The following FAM120C variants were observed in gnomAD, a reference collection of about 807,000 sequenced individuals.
FAM120C encodes the protein family with sequence similarity 120 member C.
In FAM120C, 14 loss-of-function variants were observed where a neutral mutation model predicts 71.2. That is an observed-to-expected ratio of 0.20 (90% confidence interval 0.13 to 0.31). The LOEUF (loss-of-function observed/expected upper bound fraction) is 0.31. Ranked by LOEUF, FAM120C falls within the 10% of genes least tolerant of loss-of-function variation. FAM120C has a pLI of 1.00. For synonymous variants in FAM120C, 354 were observed against 353.2 expected (o/e 1.00, Z -0.03); for missense variants, 500 against 879.0 (o/e 0.57, Z 5.45).
At chrX:54,166,254 G>C (rs1320248883) in intron 1 of FAM120C, among the ~76,000 whole-genome samples, 1 of 111,982 alleles carries the variant, frequency 8.9e-6, no homozygotes, top group Non-Finnish European at 1.9e-5. Context: ...ATTGGTGAAG[G>C]AAACAGGCAC....
chrX:54,176,486 T>G (rs1437804927), intron 1 of FAM120C, among the ~76,000 whole-genome samples: 1 of 90,761 alleles, frequency 1.1e-5, no homozygotes, highest in Non-Finnish European at 2.2e-5. Flanking sequence ...GAGGAAAAAA[T>G]AGAGATTAAT....
intron 10 of FAM120C, among the ~76,000 whole-genome samples, chrX:54,096,008 T>C (rs1209892082): frequency 8.9e-6 from 1 of 112,071 alleles, no homozygotes; most frequent in African/African-American, 3.2e-5. Context: ...TACAAAAGTA[T>C]ATTACAAAAG....
At chrX:54,172,066 A>G (rs2067291436) in intron 1 of FAM120C, among the ~76,000 whole-genome samples, 1 of 112,643 alleles carries the variant, frequency 8.9e-6, no homozygotes, top group Non-Finnish European at 1.9e-5. Context: ...TTGCCAAATG[A>G]GTTTCCCAAA....
At chrX:54,138,144 A>T (rs1239261648) in intron 4 of FAM120C, among the ~76,000 whole-genome samples, 1 of 111,937 alleles carries the variant, frequency 8.9e-6, no homozygotes, top group Admixed American at 9.6e-5. Flanking sequence ...CAAAGTATTG[A>T]TATACACGAT....
chrX:54,162,904 A>G (rs891583750), intron 1 of FAM120C, among the ~76,000 whole-genome samples: 4 of 112,221 alleles, frequency 3.6e-5, no homozygotes, highest in African/African-American at 1.3e-4. Flanking sequence ...AAGCTAGCCA[A>G]TAAGCACATG....
Position 54,132,003 on chromosome X carries a change from C to T in FAM120C, c.2062+689G>A, listed in dbSNP as rs781852876. Among the ~76,000 whole-genome samples, 437 of 104,676 alleles carry T rather than the reference C, an allele frequency of 4.2e-3. 3 individuals are homozygous for T. Among genetic ancestry groups the T allele is most frequent in the South Asian group, 0.028 (65 of 2,303 alleles). 90.9% of individuals were successfully genotyped at this position (104,676 alleles called of 115,157 possible). A position where few individuals can be genotyped will look rare whatever the true frequency, so the allele number is the denominator to read the frequency against. The stretch of plus-strand genomic sequence containing the variant: ...TCCTGACCTCGTCATCTGCCCGCCT[C>T]GGCCTCCCAAAGTGCTGGGATTACA... On this transcript the variant is annotated intron_variant, in intron 9 of 15. Transcript: ENST00000375180.
intron 4 of FAM120C, among the ~76,000 whole-genome samples, chrX:54,140,678 GCA>G (rs1315371761): frequency 9.2e-6 from 1 of 108,835 alleles, no homozygotes; most frequent in East Asian, 2.9e-4. Flanking sequence ...AGCTGGCCAG[GCA>G]CAGTGCCTCA....
intron 15 of FAM120C, among the ~76,000 whole-genome samples, chrX:54,078,316 G>C (rs999326919): frequency 9.0e-6 from 1 of 110,717 alleles, no homozygotes; most frequent in Non-Finnish European, 1.9e-5. Context: ...CCTGAATCGC[G>C]GTGAATTCAC....
rs781885139 is a variant in FAM120C, at chrX:54,101,108, C to T, written c.2313-9682G>A. On this transcript the variant is annotated intron_variant, in intron 10 of 15. Coordinates refer to ENST00000375180, the MANE Select transcript of FAM120C (RefSeq NM_017848.6). ...AGATCCTTTTAATGGGTAGAGGTTG[C>T]GAAGCCTCCACAGCTCTTACTTTAT... is the stretch of plus-strand genomic sequence containing the variant. Among the ~76,000 whole-genome samples the T allele has an allele frequency of 6.3e-5, 7 of 111,833 alleles. No homozygotes were observed. In the South Asian group the frequency reaches 1.1e-3, roughly 18 times the overall value.
At chrX:54,166,073 C>T (rs1257137772) in intron 1 of FAM120C, among the ~76,000 whole-genome samples, 3 of 110,665 alleles carry the variant, frequency 2.7e-5, no homozygotes, top group African/African-American at 9.8e-5. Flanking sequence ...GACTAATTTC[C>T]TTAATAGAGA....
rs1249719122 is a variant in FAM120C, at chrX:54,068,447, T to C, written c.*4586A>G. On this transcript the variant is annotated 3_prime_UTR_variant, in exon 16 of 16. Coordinates refer to ENST00000375180, the MANE Select transcript of FAM120C (RefSeq NM_017848.6). ...CAGAACAACTCCTGAGGCATTCTCA[T>C]TCCTTTCTGAAACTCTTCCATTAAC... 8.9e-6 allele frequency: 1 copy of C among 111,864 alleles called. No individual in the cohort carries two copies. The highest frequency in any genetic ancestry group is 1.9e-5 in the Non-Finnish European group (1 of 53,263). The allele number at this position is 111,864 out of a possible 1,213,427, so 9.2% of individuals were successfully genotyped here. A position where few individuals can be genotyped will look rare whatever the true frequency, so the allele number is the denominator to read the frequency against.
At position 54,136,540 on chromosome X, in the gene FAM120C, A is replaced by G; in HGVS notation, c.1209T>C (p.Tyr403=). ...GCGAAGAGAGTTTGGTTGTGACTGA[A>G]TAATACTCAACTGCTTTCTTGAATC... ...IERFKKAVEY[Y]SVTTKLSSLP... The change falls in exon 5 of 16, where the codon TAT becomes TAC. Residue 403 remains tyrosine, a synonymous_variant. Transcript: ENST00000375180. The G allele has an allele frequency of 8.3e-7, 1 of 1,210,743 alleles. No individual in the cohort carries two copies. The highest frequency in any genetic ancestry group is 1.1e-6 in the Non-Finnish European group (1 of 894,630).
At chrX:54,156,089 G>T (rs1382961574) in intron 3 of FAM120C, among the ~76,000 whole-genome samples, 3 of 110,316 alleles carry the variant, frequency 2.7e-5, no homozygotes, top group Non-Finnish European at 3.8e-5. Context: ...TGAAGAGGGG[G>T]TAAGAACTCA....
rs12008056 is a variant in FAM120C, at chrX:54,086,516, G to A, written c.2638-600C>T. ...CGCCTGTAGTCCCAGCAATTTGGGAGGCCAAGGCAGGTGGATCACCTGAGG... is the reference window on the plus strand; with the variant it reads ...CGCCTGTAGTCCCAGCAATTTGGGAAGCCAAGGCAGGTGGATCACCTGAGG... On this transcript the variant is annotated intron_variant, in intron 12 of 15. Coordinates refer to ENST00000375180, the MANE Select transcript of FAM120C (RefSeq NM_017848.6). Among the ~76,000 whole-genome samples, 999 of 111,468 alleles carry A rather than the reference G, an allele frequency of 9.0e-3. 14 individuals carry two copies. Among genetic ancestry groups the A allele is most frequent in the African/African-American group, 0.031 (950 of 30,778 alleles).
chrX:54,074,684 G>T (rs1006262934), intron 15 of FAM120C, among the ~76,000 whole-genome samples: 5 of 112,594 alleles, frequency 4.4e-5, no homozygotes, highest in Non-Finnish European at 9.4e-5. Flanking sequence ...CCAAAGTGCT[G>T]GTATTATAGG....
chrX:54,162,283 T>C (rs1468573564), intron 1 of FAM120C, among the ~76,000 whole-genome samples: 1 of 111,720 alleles, frequency 9.0e-6, no homozygotes, highest in Non-Finnish European at 1.9e-5. Flanking sequence ...TTACTCCTCC[T>C]TCCCTGTCTT....
chrX:54,164,931 G>GT (rs1286225775), intron 1 of FAM120C, among the ~76,000 whole-genome samples: 18 of 111,065 alleles, frequency 1.6e-4, no homozygotes, highest in Non-Finnish European at 2.8e-4. Flanking sequence ...TTTTTTGTGT[G>GT]TTTTTTTTAA....
chrX:54,076,150 C>A (rs1036605500), intron 15 of FAM120C, among the ~76,000 whole-genome samples: 1 of 109,197 alleles, frequency 9.2e-6, no homozygotes, highest in African/African-American at 3.3e-5. Flanking sequence ...ACCAGCCAGG[C>A]CAATATGGTG....
intron 15 of FAM120C, 25 bp from the exon 16 acceptor site, chrX:54,073,312 G>A (rs1434887633): frequency 8.5e-7 from 1 of 1,177,336 alleles, no homozygotes; most frequent in Non-Finnish European, 1.1e-6. Context: ...GATACTCAGT[G>A]GAAATGGGAA....
Sources: gnomAD v4.1 joint callset for allele counts (sites outside exome capture counted in the v4.1 genomes callset) on GRCh38, gnomAD v4.1.1 for gene constraint, MANE v1.5 for transcripts, NCBI Gene and HGNC (gene_info 2026-07-23, HGNC 2026-07-21) for gene names.